RGCC: variants seen among roughly 807,000 people sequenced by gnomAD.
The protein encoded by RGCC is regulator of cell cycle RGCC.
A neutral mutation model predicts 15.4 loss-of-function variants in RGCC; 15 were observed. The observed-to-expected ratio is 0.97, with a 90% CI of 0.65 to 1.50. The LOEUF is 1.50. Among genes scored for constraint, RGCC ranks in the 40% most tolerant of loss-of-function variants. The pLI is 0.00. For missense variants in RGCC, 176 were observed against 189.7 expected (o/e 0.93, Z 0.42); for synonymous variants, 81 against 78.0 (o/e 1.04, Z -0.20).
Position 41,458,404 on chromosome 13 carries a change from C to G in RGCC, c.169C>G (p.Leu57Val). The G allele has an allele frequency of 6.2e-7, 1 of 1,601,046 alleles. No homozygotes were observed. Among genetic ancestry groups the G allele is most frequent in the Non-Finnish European group, 8.5e-7 (1 of 1,178,690 alleles). ...HERHFHYEEH[L>V]ERMKRRSSAS... ...GCGCCACTTCCACTACGAGGAGCAC[C>G]TGGAGCGCATGAAGCGGCGCAGCAG... Residue 57 changes from leucine (L) to valine (V), a missense_variant, in exon 2 of 5, where the codon CTG becomes GTG. Coordinates refer to ENST00000379359, the MANE Select transcript of RGCC (RefSeq NM_014059.3). The surrounding 1 kb of genome is among the most constrained non-coding windows in gnomAD (Gnocchi z 4.4).
chr13:41,458,566 G>A lies in RGCC; in HGVS notation c.235+96G>A. On this transcript the variant is annotated intron_variant, in intron 2 of 4. Transcript: ENST00000379359. This position sits in a 1 kb window ranked among gnomAD's most constrained non-coding sequence, Gnocchi z 4.4. ...GCCTCAGTTTTCTTATCAGTAAACT[G>A]AGGAATGGTTTCCTGAAGCTCAACG... 3.1e-6 allele frequency: 4 copies of A among 1,286,420 alleles called. No individual in the cohort carries two copies. The highest frequency in any genetic ancestry group is 3.1e-6 in the Non-Finnish European group (3 of 952,648). 79.7% of individuals were successfully genotyped at this position (1,286,420 alleles called of 1,614,324 possible).
chr13:41,465,551 A>AGGC (rs2139576553), intron 2 of RGCC, among the ~76,000 whole-genome samples: 1 of 75,284 alleles, frequency 1.3e-5, no homozygotes, highest in African/African-American at 3.5e-5. Context: ...AGGCCCAGAG[A>AGGC]TGTACTAGCT....
chr13:41,462,024 C>T (rs1472750159), intron 2 of RGCC, among the ~76,000 whole-genome samples: 1 of 152,226 alleles, frequency 6.6e-6, no homozygotes, highest in Non-Finnish European at 1.5e-5. Flanking sequence ...GATGCTCTTT[C>T]TTATTTTGCC....
intron 2 of RGCC, among the ~76,000 whole-genome samples, chr13:41,465,256 C>T (rs989447469): frequency 6.6e-6 from 1 of 152,212 alleles, no homozygotes; most frequent in Admixed American, 6.5e-5. Flanking sequence ...AGAGCCACTT[C>T]TCTGCTCCAA....
At position 41,457,744 on chromosome 13, in the gene RGCC, G is replaced by T; in HGVS notation, c.37G>T (p.Ala13Ser). The part of the protein sequence containing the change: ...PPAAQGSPAA[A>S]AAAAPALDSA... Reference sequence around the variant, plus strand: ...CGCGGCGCAGGGCAGCCCCGCGGCCGCCGCGGCCGCAGGTGAGTGCGGGGT... The same window carrying T: ...CGCGGCGCAGGGCAGCCCCGCGGCCTCCGCGGCCGCAGGTGAGTGCGGGGT... Residue 13 changes from alanine (A) to serine (S), a missense_variant, in exon 1 of 5, where the codon GCC (alanine) becomes TCC (serine). Transcript: ENST00000379359. This position sits in a 1 kb window ranked among gnomAD's most constrained non-coding sequence, Gnocchi z 4.9. 7.1e-7 allele frequency: 1 copy of T among 1,398,638 alleles called. No individual in the cohort carries two copies. The highest frequency in any genetic ancestry group is 3.8e-5 in the Admixed American group (1 of 26,142). The allele number at this position is 1,398,638 out of a possible 1,614,324, so 86.6% of individuals were successfully genotyped here.
In RGCC at chr13:41,458,110, G is replaced by A. The variant is rs978402288; in HGVS notation, c.50-175G>A. On this transcript the variant is annotated intron_variant, in intron 1 of 4. Coordinates refer to ENST00000379359, the MANE Select transcript of RGCC (RefSeq NM_014059.3). The surrounding 1 kb of genome is among the most constrained non-coding windows in gnomAD (Gnocchi z 4.4). ...TGTAAAACGGACTTGGTAATAGAAC[G>A]CACTTCGGGGGTGGTGGAGAAGATT... Among the ~76,000 whole-genome samples the A allele has an allele frequency of 2.0e-5, 3 of 152,222 alleles. No homozygotes were observed. Among genetic ancestry groups the A allele is most frequent in the Non-Finnish European group, 4.4e-5 (3 of 68,040 alleles).
Position 41,458,385 on chromosome 13 carries a change from C to T in RGCC, c.150C>T (p.His50=), listed in dbSNP as rs1365971208. The T allele has an allele frequency of 3.8e-6, 6 of 1,599,580 alleles. No homozygotes were observed. The highest frequency in any genetic ancestry group is 2.7e-5 in the African/African-American group (2 of 74,842). Residue 50 remains histidine (H), a synonymous_variant, in exon 2 of 5, where the codon CAC becomes CAT. Coordinates refer to ENST00000379359, the MANE Select transcript of RGCC (RefSeq NM_014059.3). This position sits in a 1 kb window ranked among gnomAD's most constrained non-coding sequence, Gnocchi z 4.4. Reference sequence around the variant, plus strand: ...TCGCGTCGCCCTTCCACGAGCGCCACTTCCACTACGAGGAGCACCTGGAGC... The same window carrying T: ...TCGCGTCGCCCTTCCACGAGCGCCATTTCCACTACGAGGAGCACCTGGAGC... ...ADFASPFHER[H]FHYEEHLERM...
chr13:41,466,155 ACGCACACACTCTCACACACTTTCT>A lies in RGCC; in HGVS notation c.236-666_236-643del, dbSNP rs1566338305. Among the ~76,000 whole-genome samples the A allele has an allele frequency of 1.3e-3, 189 of 143,612 alleles. 1 individual carries two copies. Among genetic ancestry groups the A allele is most frequent in the African/African-American group, 4.7e-3 (177 of 37,906 alleles). 94.2% of individuals were successfully genotyped at this position (143,612 alleles called of 152,430 possible). ...TCTCACACACACTCCACACTCACAC[ACGCACACACTCTCACACACTTTCT>A]CACACACACACTCACACACACTCAT... On this transcript the variant is annotated intron_variant, in intron 2 of 4. Coordinates refer to ENST00000379359, the MANE Select transcript of RGCC (RefSeq NM_014059.3).
chr13:41,463,584 T>C (rs1315410451), intron 2 of RGCC, among the ~76,000 whole-genome samples: 2 of 151,988 alleles, frequency 1.3e-5, no homozygotes, highest in Non-Finnish European at 2.9e-5. Flanking sequence ...TCTATATAAA[T>C]AGATATTGTA....
chr13:41,462,243 T>C (rs1051249088), intron 2 of RGCC, among the ~76,000 whole-genome samples: 2 of 152,186 alleles, frequency 1.3e-5, no homozygotes, highest in Non-Finnish European at 2.9e-5. Context: ...TACTTCCCCC[T>C]GGAGCAGCAC....
intron 2 of RGCC, among the ~76,000 whole-genome samples, chr13:41,466,452 G>A (rs777716338): frequency 4.6e-5 from 7 of 152,048 alleles, no homozygotes; most frequent in Non-Finnish European, 1.0e-4. Context: ...GCAGTGGTGT[G>A]ATCTTGGCTC....
intron 2 of RGCC, among the ~76,000 whole-genome samples, chr13:41,464,682 G>A (rs546709442): frequency 1.3e-5 from 2 of 152,310 alleles, no homozygotes; most frequent in African/African-American, 4.8e-5. Context: ...TGTTTCTCAG[G>A]TGTACCTGAT....
In RGCC at chr13:41,470,703, A is replaced by G. The variant is rs777683452; in HGVS notation, c.*218A>G. The G allele has an allele frequency of 1.8e-6, 1 of 549,950 alleles. No individual in the cohort carries two copies. The highest frequency in any genetic ancestry group is 3.3e-5 in the Admixed American group (1 of 30,240). The allele number at this position is 549,950 out of a possible 1,614,324, so 34.1% of individuals were successfully genotyped here. On this transcript the variant is annotated 3_prime_UTR_variant, in exon 5 of 5. Transcript: ENST00000379359. ...GACTTTGTTTACCTGCTTGCAGCATATTAGAACAGACGATCCATGCTAATA... is the reference window on the plus strand; with the variant it reads ...GACTTTGTTTACCTGCTTGCAGCATGTTAGAACAGACGATCCATGCTAATA...
chr13:41,460,275 A>G (rs1388714684), intron 2 of RGCC, among the ~76,000 whole-genome samples: 1 of 152,194 alleles, frequency 6.6e-6, no homozygotes, highest in Non-Finnish European at 1.5e-5. Flanking sequence ...TCTAAATAGT[A>G]ATTTCTTAAG....
At chr13:41,469,317 AAG>A (rs1246648626) in intron 4 of RGCC, among the ~76,000 whole-genome samples, 3 of 150,500 alleles carry the variant, frequency 2.0e-5, no homozygotes, top group Non-Finnish European at 4.5e-5. Flanking sequence ...GAAGAAGAAG[AAG>A]AAGAAGAAGA....
Position 41,463,483 on chromosome 13 carries a change from G to C in RGCC, c.236-3340G>C, listed in dbSNP as rs1416490947. ...CTAATGTGTATCTGTGTGTGTGTGT[G>C]TGTGTGTGTGTGTGTGTGTGGTGGG... On this transcript the variant is annotated intron_variant, in intron 2 of 4. Coordinates refer to ENST00000379359, the MANE Select transcript of RGCC (RefSeq NM_014059.3). Among the ~76,000 whole-genome samples the C allele has an allele frequency of 3.2e-5, 3 of 92,328 alleles. 1 individual carries two copies. In the South Asian group the frequency reaches 9.8e-4, roughly 30 times the overall value. 60.6% of individuals were successfully genotyped at this position (92,328 alleles called of 152,430 possible).
chr13:41,458,668 C>T lies in RGCC; in HGVS notation c.235+198C>T, dbSNP rs1185112236. On this transcript the variant is annotated intron_variant, in intron 2 of 4. Transcript: ENST00000379359. The surrounding 1 kb of genome is among the most constrained non-coding windows in gnomAD (Gnocchi z 4.4). Reference sequence around the variant, plus strand: ...CTGGAGGGCAGGTTGGTTCACTTGCCGCCCACGGGTGTGTCACCAGGCAGG... The same window carrying T: ...CTGGAGGGCAGGTTGGTTCACTTGCTGCCCACGGGTGTGTCACCAGGCAGG... 6.6e-6 allele frequency among the ~76,000 whole-genome samples: 1 copy of T among 152,336 alleles called. No homozygotes were observed. The highest frequency in any genetic ancestry group is 1.5e-5 in the Non-Finnish European group (1 of 68,036).
At chr13:41,461,742 G>C (rs1177724603) in intron 2 of RGCC, among the ~76,000 whole-genome samples, 2 of 152,216 alleles carry the variant, frequency 1.3e-5, no homozygotes, top group Non-Finnish European at 2.9e-5. Context: ...TCTTTGCTTA[G>C]GCTATTCTGG....
chr13:41,469,320 A>C (rs2043864908), intron 4 of RGCC, among the ~76,000 whole-genome samples: 1 of 143,126 alleles, frequency 7.0e-6, no homozygotes. Context: ...GAAGAAGAAG[A>C]AGAAGAAGAA....
Sources: gnomAD v4.1 joint callset for allele counts (sites outside exome capture counted in the v4.1 genomes callset) on GRCh38, gnomAD v4.1.1 for gene constraint, Gnocchi (gnomAD v3.1) non-coding constraint, MANE v1.5 for transcripts, NCBI Gene and HGNC (gene_info 2026-07-23, HGNC 2026-07-21) for gene names.